Variants in MYPN observed in about 807,000 individuals in gnomAD.
MYPN encodes the protein sarcomeric protein myopalladin, 145 kDa (MYOP).
In MYPN, 63 loss-of-function variants were observed where a neutral mutation model predicts 129.4. That is an observed-to-expected ratio of 0.49 (90% CI 0.40 to 0.60). MYPN has a LOEUF of 0.60. MYPN is among the 20% of genes least tolerant of loss of function. The pLI is 0.00. For missense variants in MYPN, 1,596 were observed against 1,635.4 expected, an observed-to-expected ratio of 0.98 and a Z score of 0.42; for synonymous variants, 629 against 600.9, an observed-to-expected ratio of 1.05 and a Z score of -0.68.
At chr10:68,089,465 C>G (rs1418648561) in intron 1 of MYPN, among the ~76,000 whole-genome samples, 1 of 152,106 alleles carries the variant, frequency 6.6e-6, no homozygotes, top group Non-Finnish European at 1.5e-5. Context: ...CCTCAGCCTC[C>G]CGAGTAGCTG....
intron 12 of MYPN, among the ~76,000 whole-genome samples, chr10:68,181,561 A>T (rs10997991): frequency 0.4 from 61,392 of 151,914 alleles, 13,348 homozygotes; most frequent in Non-Finnish European, 0.49. Flanking sequence ...AAGTGCTGGG[A>T]TTACAGGCAT....
At chr10:68,197,564 G>GT in intron 16 of MYPN, 86 bp downstream of exon 16, 3 of 1,571,362 alleles carry the variant, frequency 1.9e-6, no homozygotes, top group Admixed American at 1.8e-5. Flanking sequence ...TTGTTTTGTG[G>GT]GTTTTTTTTT....
chr10:68,151,557 CT>C (rs1364133350), intron 6 of MYPN, among the ~76,000 whole-genome samples: 1 of 152,152 alleles, frequency 6.6e-6, no homozygotes, highest in Admixed American at 6.6e-5. Context: ...CTTATTGTCT[CT>C]TATCATCATT....
intron 6 of MYPN, among the ~76,000 whole-genome samples, chr10:68,154,239 T>C (rs1263903512): frequency 1.3e-5 from 2 of 152,180 alleles, no homozygotes; most frequent in Admixed American, 6.6e-5. Context: ...ACTTCTTGAA[T>C]GTGAAGGGAG....
chr10:68,180,393 C>A (rs2134223181), intron 12 of MYPN, among the ~76,000 whole-genome samples: 1 of 152,276 alleles, frequency 6.6e-6, no homozygotes, highest in East Asian at 1.9e-4. Flanking sequence ...ACCATTTTGC[C>A]CAGGCTGGTC....
chr10:68,099,148 T>C (rs2041970782), intron 1 of MYPN, among the ~76,000 whole-genome samples: 1 of 152,194 alleles, frequency 6.6e-6, no homozygotes, highest in African/African-American at 2.4e-5. Flanking sequence ...TGGCACACAT[T>C]TATTGCTCCA....
chr10:68,115,493 T>C (rs1354185084), intron 1 of MYPN, among the ~76,000 whole-genome samples: 1 of 152,140 alleles, frequency 6.6e-6, no homozygotes, highest in Non-Finnish European at 1.5e-5. Context: ...TTTAAAGACA[T>C]CTCAAATACG....
chr10:68,100,780 A>G (rs949035999), intron 1 of MYPN, among the ~76,000 whole-genome samples: 2 of 152,332 alleles, frequency 1.3e-5, no homozygotes, highest in South Asian at 2.1e-4. Flanking sequence ...CTCAAGAATT[A>G]TAAGCATCCA....
chr10:68,204,182 T>C (rs1589616763), intron 18 of MYPN, among the ~76,000 whole-genome samples: 1 of 152,222 alleles, frequency 6.6e-6, no homozygotes, highest in East Asian at 1.9e-4. Context: ...GACTAGACTG[T>C]GAGCATCTTG....
chr10:68,125,692 A>G (rs1291287439), intron 2 of MYPN, among the ~76,000 whole-genome samples: 1 of 152,236 alleles, frequency 6.6e-6, no homozygotes, highest in Non-Finnish European at 1.5e-5. Flanking sequence ...GGACTAGAAA[A>G]GTCAAAGAAG....
intron 10 of MYPN, 48 bp from the exon 11 acceptor site, chr10:68,174,018 A>C: frequency 7.0e-7 from 1 of 1,425,426 alleles, no homozygotes; most frequent in Non-Finnish European, 9.9e-7. Context: ...AGGTGAGGCC[A>C]ATAATAACAC....
At chr10:68,147,204 G>C (rs1018949558) in intron 4 of MYPN, among the ~76,000 whole-genome samples, 2 of 152,122 alleles carry the variant, frequency 1.3e-5, no homozygotes, top group African/African-American at 4.8e-5. Context: ...GCCCAGGCTA[G>C]AGTGCTGTAG....
intron 2 of MYPN, among the ~76,000 whole-genome samples, chr10:68,127,205 A>T (rs2042338763): frequency 1.3e-5 from 2 of 151,608 alleles, no homozygotes; most frequent in South Asian, 4.2e-4. Context: ...GGGTTTCACC[A>T]TGTAGGCCAG....
chr10:68,209,857 G>C (rs1257571899), intron 19 of MYPN, among the ~76,000 whole-genome samples: 1 of 151,916 alleles, frequency 6.6e-6, no homozygotes, highest in Non-Finnish European at 1.5e-5. Flanking sequence ...ACCATGCTCA[G>C]CTAATTTTTG....
intron 19 of MYPN, 65 bp from the exon 20 acceptor site, chr10:68,210,221 C>G: frequency 6.4e-7 from 1 of 1,570,526 alleles, no homozygotes; most frequent in Non-Finnish European, 8.7e-7. Flanking sequence ...CAGAATGCAC[C>G]TCTGCAGCGT....
chr10:68,168,196 A>G (rs1320548345), intron 10 of MYPN, among the ~76,000 whole-genome samples: 1 of 152,040 alleles, frequency 6.6e-6, no homozygotes, highest in Non-Finnish European at 1.5e-5. Flanking sequence ...TCAACTCCCA[A>G]TTCTATTTGG....
At chr10:68,122,898 G>C (rs969322581) in intron 2 of MYPN, among the ~76,000 whole-genome samples, 28 of 151,630 alleles carry the variant, frequency 1.8e-4, no homozygotes, top group African/African-American at 6.3e-4. Flanking sequence ...GCGAAACTCA[G>C]TCTCAAAAAT....
intron 19 of MYPN, among the ~76,000 whole-genome samples, chr10:68,208,161 T>A (rs1001310277): frequency 2.0e-5 from 3 of 152,226 alleles, no homozygotes; most frequent in Non-Finnish European, 4.4e-5. Context: ...GTGGTTTTTT[T>A]AATCCTTTTT....
At chr10:68,097,747 C>T (rs2041963182) in intron 1 of MYPN, among the ~76,000 whole-genome samples, 1 of 149,136 alleles carries the variant, frequency 6.7e-6, no homozygotes, top group Non-Finnish European at 1.5e-5. Flanking sequence ...ATTTGATTTT[C>T]TCTTTTATCA....
Sources: gnomAD v4.1 joint callset for allele counts (sites outside exome capture counted in the v4.1 genomes callset) on GRCh38, gnomAD v4.1.1 for gene constraint, MANE v1.5 for transcripts, NCBI Gene and HGNC (gene_info 2026-07-23, HGNC 2026-07-21) for gene names.